The following TMEM131L variants were observed in gnomAD, a reference collection of about 807,000 sequenced individuals.
TMEM131L encodes transmembrane protein 131-like.
TMEM131L carries 54 observed loss-of-function variants against 192.2 expected under a neutral mutation model. That is an observed-to-expected ratio of 0.28 (90% CI 0.23 to 0.35). The LOEUF (loss-of-function observed/expected upper bound fraction) is 0.35. TMEM131L is among the 10% of genes least tolerant of loss of function. The pLI is 1.00. For synonymous variants in TMEM131L, 701 were observed against 704.9 expected (o/e 0.99, Z 0.09); for missense variants, 1,888 against 1,972.9 (o/e 0.96, Z 0.82).
intron 3 of TMEM131L, among the ~76,000 whole-genome samples, chr4:153,521,494 A>C (rs1735108330): frequency 6.6e-6 from 1 of 152,166 alleles, no homozygotes; most frequent in African/African-American, 2.4e-5. Flanking sequence ...TGTTCTTTTT[A>C]CTTAGTTATT....
At chr4:153,509,327 C>T (rs866807198) in intron 3 of TMEM131L, among the ~76,000 whole-genome samples, 6 of 150,980 alleles carry the variant, frequency 4.0e-5, no homozygotes, top group African/African-American at 9.8e-5. Context: ...ATCCTGCCAC[C>T]GCACTCTAAC....
intron 3 of TMEM131L, among the ~76,000 whole-genome samples, chr4:153,507,488 C>T (rs931829702): frequency 1.3e-5 from 2 of 152,158 alleles, no homozygotes; most frequent in African/African-American, 4.8e-5. Context: ...ACTTCTGTTA[C>T]CTTATGGCTT....
In TMEM131L at chr4:153,602,709, T is replaced by C; in HGVS notation, c.2621T>C (p.Leu874Pro). 1.2e-6 allele frequency: 2 copies of C among 1,614,032 alleles called. No homozygotes were observed. Among genetic ancestry groups the C allele is most frequent in the Non-Finnish European group, 1.7e-6 (2 of 1,179,932 alleles). ...AGCTGGGAGGAGTCATTTTGGAGGC[T>C]CACGGTCTTCTTTGTCAGGTAAACC... ...GPSWEESFWR[L>P]TVFFVSLSLL... is the part of the protein sequence containing the mutation. The change falls in exon 23 of 35, where the codon CTC (leucine) becomes CCC (proline). Residue 874 changes from leucine to proline, a missense_variant. Leu to Pro is a moderately conservative substitution (Grantham distance 98). Coordinates refer to ENST00000409959, the MANE Select transcript of TMEM131L (RefSeq NM_001131007.2).
intron 20 of TMEM131L, among the ~76,000 whole-genome samples, 166 bp from the exon 21 acceptor site, chr4:153,598,424 T>G (rs984347961): frequency 1.3e-5 from 2 of 152,244 alleles, no homozygotes; most frequent in African/African-American, 4.8e-5. Flanking sequence ...TGCACCCTTA[T>G]TCTGTGAGAT....
At chr4:153,495,266 C>G (rs10034572) in intron 3 of TMEM131L, among the ~76,000 whole-genome samples, 46,500 of 151,818 alleles carry the variant, frequency 0.31, 8,081 homozygotes, top group Middle Eastern at 0.42. Flanking sequence ...GTTGCAGTGA[C>G]CCGAGATTGT....
At chr4:153,528,938 G>GTAA (rs1236336019) in intron 3 of TMEM131L, among the ~76,000 whole-genome samples, 2 of 152,140 alleles carry the variant, frequency 1.3e-5, no homozygotes, top group African/African-American at 4.8e-5. Context: ...TTTCGGTAGG[G>GTAA]TAAGTTTCTG....
intron 3 of TMEM131L, among the ~76,000 whole-genome samples, chr4:153,474,630 A>G (rs1731396358): frequency 6.6e-6 from 1 of 152,228 alleles, no homozygotes; most frequent in African/African-American, 2.4e-5. Context: ...ATCCTGGTTC[A>G]CTGCAACCTC....
At chr4:153,548,454 G>C (rs1417560993) in intron 3 of TMEM131L, among the ~76,000 whole-genome samples, 1 of 152,088 alleles carries the variant, frequency 6.6e-6, no homozygotes, top group Non-Finnish European at 1.5e-5. Context: ...ACAGGCGCCC[G>C]CCACCACGCC....
In TMEM131L at chr4:153,473,697, C is replaced by T. The variant is rs183278255; in HGVS notation, c.196-148C>T. 1.1e-3 allele frequency: 621 copies of T among 560,068 alleles called. 6 individuals are homozygous for T. In the East Asian group the frequency reaches 0.022, roughly 20 times the overall value. 34.7% of individuals were successfully genotyped at this position (560,068 alleles called of 1,614,324 possible). ...GTCCCAGCTACTTGGGAGGCTGAGGCAGGAGAATTGCTTGAACCCAGGAGG... is the reference window on the plus strand; with the variant it reads ...GTCCCAGCTACTTGGGAGGCTGAGGTAGGAGAATTGCTTGAACCCAGGAGG... On this transcript the variant is annotated intron_variant, in intron 2 of 34. Coordinates refer to ENST00000409959, the MANE Select transcript of TMEM131L (RefSeq NM_001131007.2).
chr4:153,502,965 AG>A (rs745970416), intron 3 of TMEM131L, among the ~76,000 whole-genome samples: 6 of 116,398 alleles, frequency 5.2e-5, no homozygotes, highest in Non-Finnish European at 1.1e-4. Context: ...CTCATTTTGC[AG>A]GGTCATCTTT....
At chr4:153,590,989 A>T (rs1731027117) in intron 16 of TMEM131L, 64 bp from the exon 17 acceptor site, 1 of 1,127,908 alleles carries the variant, frequency 8.9e-7, no homozygotes, top group African/African-American at 1.6e-5. Flanking sequence ...TAACAAAATT[A>T]TTAAATATTA....
intron 3 of TMEM131L, among the ~76,000 whole-genome samples, chr4:153,541,162 T>C (rs982210116): frequency 2.0e-5 from 3 of 151,552 alleles, no homozygotes; most frequent in Non-Finnish European, 2.9e-5. Context: ...GGAATGGGAG[T>C]TGGAGTAAGG....
At chr4:153,499,413 G>T (rs1034942272) in intron 3 of TMEM131L, among the ~76,000 whole-genome samples, 7 of 151,402 alleles carry the variant, frequency 4.6e-5, no homozygotes, top group Middle Eastern at 3.4e-3. Context: ...TGCCAGTGAT[G>T]AAATAGATCT....
intron 3 of TMEM131L, among the ~76,000 whole-genome samples, chr4:153,481,688 A>G (rs1211120735): frequency 1.3e-5 from 2 of 152,090 alleles, no homozygotes; most frequent in Non-Finnish European, 2.9e-5. Context: ...GTCACCTGCC[A>G]CCACGGCTGG....
At chr4:153,515,067 C>T (rs984848802) in intron 3 of TMEM131L, among the ~76,000 whole-genome samples, 1 of 152,234 alleles carries the variant, frequency 6.6e-6, no homozygotes, top group East Asian at 1.9e-4. Flanking sequence ...CTGCCTCGGC[C>T]TCCCGAAGTG....
At chr4:153,556,264 T>C (rs1728436695) in intron 5 of TMEM131L, among the ~76,000 whole-genome samples, 1 of 152,192 alleles carries the variant, frequency 6.6e-6, no homozygotes, top group African/African-American at 2.4e-5. Context: ...TAGTAACTAA[T>C]ACAAGTTTAT....
chr4:153,523,497 C>G (rs1003897713), intron 3 of TMEM131L, among the ~76,000 whole-genome samples: 3 of 152,130 alleles, frequency 2.0e-5, no homozygotes, highest in African/African-American at 7.2e-5. Flanking sequence ...GAAACTAAAT[C>G]TGTGGCATAA....
chr4:153,556,913 C>T (rs867473837), intron 5 of TMEM131L, 53 bp from the exon 6 acceptor site: 3 of 809,064 alleles, frequency 3.7e-6, no homozygotes, highest in East Asian at 2.4e-5. Context: ...CTGTGAAAGA[C>T]AGTTTATCAA....
At chr4:153,539,116 C>G (rs1053079397) in intron 3 of TMEM131L, among the ~76,000 whole-genome samples, 1 of 152,122 alleles carries the variant, frequency 6.6e-6, no homozygotes, top group South Asian at 2.1e-4. Context: ...CATTATTTCT[C>G]AAGGAAAAAT....
Sources: gnomAD v4.1 joint callset for allele counts (sites outside exome capture counted in the v4.1 genomes callset) on GRCh38, gnomAD v4.1.1 for gene constraint, MANE v1.5 for transcripts, NCBI Gene and HGNC (gene_info 2026-07-23, HGNC 2026-07-21) for gene names.